HSPA8: variants seen among roughly 807,000 people sequenced by gnomAD.
HSPA8 encodes heat shock cognate 71 kDa protein.
A neutral mutation model predicts 52.8 loss-of-function variants in HSPA8; 2 were observed. The observed-to-expected ratio is 0.04, with a 90% confidence interval of 0.02 to 0.12. The LOEUF (loss-of-function observed/expected upper bound fraction) is 0.12. Among genes scored for constraint, HSPA8 ranks in the 10% least tolerant of loss-of-function variants. HSPA8 has a pLI of 1.00. For missense variants in HSPA8, 349 were observed against 800.5 expected (o/e 0.44, Z 6.81); for synonymous variants, 436 against 274.0 (o/e 1.59, Z -5.84).
chr11:123,061,485 G>A (rs776774029), intron 1 of HSPA8, 156 bp from the exon 2 acceptor site: 2 of 638,458 alleles, frequency 3.1e-6, no homozygotes, highest in Non-Finnish European at 5.5e-6. Context: ...TCCAGAACTA[G>A]TGCTGCAGTC....
In HSPA8 at chr11:123,060,191, A is replaced by C; in HGVS notation, c.489T>G (p.Thr163=). 1 of 1,614,094 alleles carries C rather than the reference A, an allele frequency of 6.2e-7. No homozygotes were observed. The highest frequency in any genetic ancestry group is 8.5e-7 in the Non-Finnish European group (1 of 1,179,984). ...TTCTAAGTACATTGAGACCAGCAATAGTTCCAGCATCTTTGGTAGCCTGAC... is the reference window on the plus strand; with the variant it reads ...TTCTAAGTACATTGAGACCAGCAATCGTTCCAGCATCTTTGGTAGCCTGAC... ...SQRQATKDAG[T]IAGLNVLRII... Residue 163 remains threonine (T), a synonymous_variant, in exon 4 of 9, where the codon ACT becomes ACG. Coordinates refer to ENST00000534624, the MANE Select transcript of HSPA8 (RefSeq NM_006597.6).
At chr11:123,060,340 T>G in intron 3 of HSPA8, 72 bp from the exon 4 acceptor site, 9 of 1,409,390 alleles carry the variant, frequency 6.4e-6, no homozygotes, top group Non-Finnish European at 7.9e-6. Flanking sequence ...GCAAATGGAT[T>G]AATGCTGGTG....
In HSPA8 at chr11:123,058,688, G is replaced by A; in HGVS notation, c.1466C>T (p.Ser489Phe). 4 of 1,613,866 alleles carry A rather than the reference G, an allele frequency of 2.5e-6. No individual in the cohort carries two copies. Among genetic ancestry groups the A allele is most frequent in the Non-Finnish European group, 3.4e-6 (4 of 1,179,918 alleles). The change falls in exon 7 of 9, where the codon TCT (serine) becomes TTT (phenylalanine). Residue 489 changes from serine to phenylalanine, a missense_variant. Ser to Phe is a radical substitution (Grantham distance 155, BLOSUM62 -2). Transcript: ENST00000534624. ...DIDANGILNV[S>F]AVDKSTGKEN... Reference sequence around the variant, plus strand: ...TTTTCCCGTACTCTTGTCCACAGCAGAGACATTGAGTATACCATTGGCATC... The same window carrying A: ...TTTTCCCGTACTCTTGTCCACAGCAAAGACATTGAGTATACCATTGGCATC...
At chr11:123,058,541 C>CTA in intron 7 of HSPA8, 57 bp from the exon 8 acceptor site, 1 of 1,581,762 alleles carries the variant, frequency 6.3e-7, no homozygotes, top group Non-Finnish European at 8.7e-7. Context: ...ATGTGTAACT[C>CTA]TAGTTTCTCT....
Position 123,058,684 on chromosome 11 carries a change from A to G in HSPA8, c.1470T>C (p.Ala490=), listed in dbSNP as rs1297886131. ...IDANGILNVS[A]VDKSTGKENK... is the part of the protein sequence containing the mutation. ...TCTCTTTTCCCGTACTCTTGTCCAC[A>G]GCAGAGACATTGAGTATACCATTGG... is the stretch of plus-strand genomic sequence containing the variant. Residue 490 remains alanine, a synonymous_variant, in exon 7 of 9, where the codon GCT becomes GCC. Transcript: ENST00000534624. 6.2e-7 allele frequency: 1 copy of G among 1,613,860 alleles called. No individual in the cohort carries two copies. Among genetic ancestry groups the G allele is most frequent in the Non-Finnish European group, 8.5e-7 (1 of 1,179,960 alleles).
chr11:123,058,016 T>C, intron 8 of HSPA8, 97 bp from the exon 9 acceptor site: 2 of 1,014,358 alleles, frequency 2.0e-6, no homozygotes, highest in Non-Finnish European at 1.5e-6. Context: ...TGGCGCAAAC[T>C]CTTACAAGAG....
At chr11:123,059,021 T>G in intron 6 of HSPA8, 38 bp downstream of exon 6, 2 of 1,559,352 alleles carry the variant, frequency 1.3e-6, no homozygotes, top group Non-Finnish European at 8.8e-7. Flanking sequence ...CCTTTATCTG[T>G]TATCAGTAAG....
chr11:123,059,774 G>A lies in HSPA8; in HGVS notation c.819C>T (p.Thr273=), dbSNP rs774484203. The part of the protein sequence containing the change: ...LRTACERAKR[T]LSSSTQASIE... ...TACTGGCCTGGGTGCTGGAAGAGAG[G>A]GTACGCTTAGCACGTTCACAAGCAG... The change falls in exon 5 of 9, where the codon ACC becomes ACT. Residue 273 remains threonine, a synonymous_variant. Transcript: ENST00000534624. 5.0e-6 allele frequency: 8 copies of A among 1,613,662 alleles called. No homozygotes were observed. Among genetic ancestry groups the A allele is most frequent in the East Asian group, 4.5e-5 (2 of 44,880 alleles).
intron 3 of HSPA8, 81 bp downstream of exon 3, chr11:123,060,509 CCCT>C: frequency 9.0e-7 from 1 of 1,107,834 alleles, no homozygotes; most frequent in Non-Finnish European, 1.4e-6. Flanking sequence ...CTGTTCCCCT[CCCT>C]CGCCAGGTGC....
chr11:123,060,501 G>T, intron 3 of HSPA8, 92 bp downstream of exon 3: 1 of 1,040,156 alleles, frequency 9.6e-7, no homozygotes, highest in Non-Finnish European at 1.5e-6. Flanking sequence ...AGCCCCATCT[G>T]TTCCCCTCCC....
In HSPA8 at chr11:123,058,286, C is replaced by G. The variant is rs754246861; in HGVS notation, c.1721G>C (p.Cys574Ser). Reference protein sequence around the residue: ...DEDKQKILDKCNEIINWLDKN... With the variant: ...DEDKQKILDKSNEIINWLDKN... ...ATCAAGCCAGTTGATAATTTCATTA[C>G]ACTTGTCCAGAATCTTCTGTTTGTC... is the stretch of plus-strand genomic sequence containing the variant. Residue 574 changes from cysteine (C) to serine (S), a missense_variant, in exon 8 of 9, where the codon TGT becomes TCT. Transcript: ENST00000534624. 6.5e-7 allele frequency: 1 copy of G among 1,540,176 alleles called. No individual in the cohort carries two copies. Among genetic ancestry groups the G allele is most frequent in the Non-Finnish European group, 9.0e-7 (1 of 1,116,870 alleles).
intron 1 of HSPA8, chr11:123,061,684 G>A (rs1253058649): frequency 1.6e-5 from 5 of 312,260 alleles, no homozygotes; most frequent in South Asian, 3.1e-5. Flanking sequence ...CCCCCATACT[G>A]GAAGCACGCC....
chr11:123,061,419 T>A (rs555720196), intron 1 of HSPA8, 90 bp from the exon 2 acceptor site: 1 of 966,270 alleles, frequency 1.0e-6, no homozygotes, highest in East Asian at 2.6e-5. Context: ...GAAAAACGTA[T>A]GGCCACTGCC....
At chr11:123,061,843 T>C (rs541389274) in intron 1 of HSPA8, 64 of 163,174 alleles carry the variant, frequency 3.9e-4, no homozygotes, top group African/African-American at 1.1e-3. Context: ...CAGCCTCCCC[T>C]GGGGCCACTG....
At position 123,058,065 on chromosome 11, in the gene HSPA8, T is replaced by C. The variant is rs188363790; in HGVS notation, c.1756-146A>G. 4.9e-3 allele frequency: 3,596 copies of C among 738,836 alleles called. 11 individuals are homozygous for C. The highest frequency in any genetic ancestry group is 7.0e-3 in the Non-Finnish European group (3,145 of 452,132). The allele number at this position is 738,836 out of a possible 1,614,324, so 45.8% of individuals were successfully genotyped here. Reference sequence around the variant, plus strand: ...ATTAAAATAGGGCCTTATTCTTCCTTAACATCTTGGGTCACTCAGACATCC... The same window carrying C: ...ATTAAAATAGGGCCTTATTCTTCCTCAACATCTTGGGTCACTCAGACATCC... On this transcript the variant is annotated intron_variant, in intron 8 of 8. Transcript: ENST00000534624.
At position 123,060,662 on chromosome 11, in the gene HSPA8, G is replaced by A. The variant is rs1865470102; in HGVS notation, c.342C>T (p.Phe114=). 1.2e-6 allele frequency: 2 copies of A among 1,613,772 alleles called. No individual in the cohort carries two copies. Among genetic ancestry groups the A allele is most frequent in the Non-Finnish European group, 1.7e-6 (2 of 1,179,780 alleles). Residue 114 remains phenylalanine (F), a synonymous_variant, in exon 3 of 9, where the codon TTC becomes TTT. Coordinates refer to ENST00000534624, the MANE Select transcript of HSPA8 (RefSeq NM_006597.6). ...QVEYKGETKS[F]YPEEVSSMVL... is the part of the protein sequence containing the mutation. ...CCATAGAAGACACCTCCTCTGGATA[G>A]AAGCTTTTGGTCTCTCCCTTGTATT...
chr11:123,060,572 A>G lies in HSPA8; in HGVS notation c.411+21T>C, dbSNP rs1303032734. ...TTTTAACTACTCCGGAATGCACCCC[A>G]TACTGAAAAACCAACCTCACCTTCC... On this transcript the variant is annotated intron_variant, in intron 3 of 8. Transcript: ENST00000534624. The G allele has an allele frequency of 3.2e-6, 5 of 1,583,720 alleles. No homozygotes were observed. The African/African-American group carries it at 5.4e-5, about 17-fold the overall frequency.
upstream of HSPA8, chr11:123,062,435 G>C (rs550932198): frequency 6.6e-6 from 1 of 152,312 alleles, no homozygotes; most frequent in Non-Finnish European, 1.5e-5. Flanking sequence ...CCGCGCGCGG[G>C]AGTCCTCAGT....
chr11:123,059,275 A>T lies in HSPA8; in HGVS notation c.1121-14T>A, dbSNP rs1173012603. 6.2e-7 allele frequency: 1 copy of T among 1,606,548 alleles called. No homozygotes were observed. ...CTGCCTGGACAGCTAGCAAACAAAA[A>T]GTTAACGTTAAAAGAAGTTAAAAGA... On this transcript the variant is annotated splice_polypyrimidine_tract_variant and intron_variant, in intron 5 of 8. Transcript: ENST00000534624.
Sources: gnomAD v4.1 joint callset for allele counts on GRCh38, gnomAD v4.1.1 for gene constraint, MANE v1.5 for transcripts, NCBI Gene and HGNC (gene_info 2026-07-23, HGNC 2026-07-21) for gene names.